The following MYBL1 variants were observed in gnomAD, a reference collection of about 807,000 sequenced individuals.
MYBL1 encodes myb-related protein A.
MYBL1 carries 17 observed loss-of-function variants against 96.3 expected under a neutral mutation model. That is an observed-to-expected ratio of 0.18 (90% confidence interval 0.12 to 0.26). MYBL1 has a LOEUF of 0.26. MYBL1 is among the 10% of genes least tolerant of loss of function. The pLI, the probability that MYBL1 is intolerant of heterozygous loss-of-function variation, is 1.00. For missense variants in MYBL1, 701 were observed against 882.9 expected, an observed-to-expected ratio of 0.79 and a Z score of 2.61; for synonymous variants, 282 against 292.7, an observed-to-expected ratio of 0.96 and a Z score of 0.37.
chr8:66,593,294 A>C, intron 6 of MYBL1, 100 bp from the exon 7 acceptor site: 1 of 669,450 alleles, frequency 1.5e-6, no homozygotes, highest in South Asian at 2.3e-5. Context: ...TCAATATAAA[A>C]AACTTAGAAA....
In MYBL1 at chr8:66,612,938, C is replaced by T. The variant is rs146585703; in HGVS notation, c.-100G>A. 8.1e-5 allele frequency: 102 copies of T among 1,253,150 alleles called. No homozygotes were observed. In the African/African-American group the frequency reaches 1.4e-3, roughly 18 times the overall value. The allele number at this position is 1,253,150 out of a possible 1,614,324, so 77.6% of individuals were successfully genotyped here. On this transcript the variant is annotated 5_prime_UTR_variant, in exon 1 of 16. Transcript: ENST00000522677. ...TCTCCCCGATCCTCTAGCCGCTTCCCTCGCTCCCTCTGGAGGCGGCCGAGT... is the reference window on the plus strand; with the variant it reads ...TCTCCCCGATCCTCTAGCCGCTTCCTTCGCTCCCTCTGGAGGCGGCCGAGT...
intron 9 of MYBL1, 99 bp from the exon 10 acceptor site, chr8:66,576,474 C>A (rs756170111): frequency 1.5e-6 from 2 of 1,347,568 alleles, no homozygotes; most frequent in East Asian, 4.7e-5. Flanking sequence ...ATTAACAACT[C>A]ATTTTATCAG....
chr8:66,589,709 C>T (rs1231644833), intron 8 of MYBL1, among the ~76,000 whole-genome samples: 2 of 152,086 alleles, frequency 1.3e-5, no homozygotes, highest in African/African-American at 4.8e-5. Context: ...GTCTCAAACT[C>T]CTGGGCTTAA....
At chr8:66,580,448 G>C in intron 8 of MYBL1, 82 bp from the exon 9 acceptor site, 1 of 902,530 alleles carries the variant, frequency 1.1e-6, no homozygotes, top group Non-Finnish European at 1.7e-6. Flanking sequence ...TTTCAATTAG[G>C]CTAAAAACAT....
rs1808372117 is a variant in MYBL1 at position 66,562,554 on chromosome 8, T to C, written c.*2143A>G. 1 of 152,646 alleles carries C rather than the reference T, an allele frequency of 6.6e-6. No homozygotes were observed. Among genetic ancestry groups the C allele is most frequent in the Non-Finnish European group, 1.5e-5 (1 of 68,040 alleles). 9.5% of individuals were successfully genotyped at this position (152,646 alleles called of 1,614,324 possible). On this transcript the variant is annotated 3_prime_UTR_variant, in exon 16 of 16. Transcript: ENST00000522677. ...ATTATGTCCAATAAGCCCAGACTTA[T>C]CCACAATATATTACCATTTAGGATA...
At chr8:66,604,526 G>T (rs1466901161) in intron 1 of MYBL1, among the ~76,000 whole-genome samples, 1 of 150,816 alleles carries the variant, frequency 6.6e-6, no homozygotes, top group African/African-American at 2.4e-5. Context: ...AAAAAAAAAA[G>T]ATGGTGTCCT....
intron 9 of MYBL1, among the ~76,000 whole-genome samples, chr8:66,577,868 T>G (rs919063653): frequency 3.3e-5 from 5 of 152,182 alleles, no homozygotes; most frequent in Non-Finnish European, 5.9e-5. Flanking sequence ...ATGGTACTGG[T>G]ACCAAAACAG....
Position 66,599,137 on chromosome 8 carries a change from G to C in MYBL1, c.204C>G (p.Arg68=), listed in dbSNP as rs376621725. 2.7e-5 allele frequency: 42 copies of C among 1,571,326 alleles called. No homozygotes were observed. The African/African-American group carries it at 5.5e-4, about 20-fold the overall frequency. The change falls in exon 4 of 16, where the codon CGC becomes CGG. Residue 68 remains arginine, a synonymous_variant. Coordinates refer to ENST00000522677, the MANE Select transcript of MYBL1 (RefSeq NM_001080416.4). ...ATCGATGCTGGCACTGAAAATCAGA[G>C]CGATTCTGAAAAAATTTAGAAGATT... The part of the protein sequence containing the change: ...WTLIASHLQN[R]SDFQCQHRWQ...
At chr8:66,597,182 G>A (rs1809885766) in intron 5 of MYBL1, 148 bp downstream of exon 5, 1 of 500,570 alleles carries the variant, frequency 2.0e-6, no homozygotes, top group Admixed American at 3.8e-5. Flanking sequence ...TAGTACAAAT[G>A]GTCCCAAAGG....
Position 66,613,015 on chromosome 8 carries a change from C to A in MYBL1, c.-177G>T. ...GGACGGAGGGACAGCGGGGGCGGAC[C>A]GCGACCCGACCCCGACCCCGGCCCG... On this transcript the variant is annotated 5_prime_UTR_variant, in exon 1 of 16. Transcript: ENST00000522677. The A allele has an allele frequency of 1.5e-6, 1 of 656,620 alleles. No homozygotes were observed. Among genetic ancestry groups the A allele is most frequent in the Non-Finnish European group, 2.2e-6 (1 of 455,828 alleles). 40.7% of individuals were successfully genotyped at this position (656,620 alleles called of 1,614,324 possible).
intron 8 of MYBL1, among the ~76,000 whole-genome samples, chr8:66,589,204 T>C (rs1265145871): frequency 6.6e-6 from 1 of 152,182 alleles, no homozygotes; most frequent in Non-Finnish European, 1.5e-5. Flanking sequence ...ATTCCTTTAG[T>C]TATATTTTTC....
rs1412896870 is a variant in MYBL1, at chr8:66,595,442, AAATC to A, written c.687+137_687+140del. 1.4e-5 allele frequency: 6 copies of A among 423,430 alleles called. No homozygotes were observed. In the East Asian group the frequency reaches 2.1e-4, roughly 15 times the overall value. The allele number at this position is 423,430 out of a possible 1,614,324, so 26.2% of individuals were successfully genotyped here. On this transcript the variant is annotated intron_variant, in intron 6 of 15. Transcript: ENST00000522677. ...ATAAATTTGTTCTCAAAATATTTATAAATCAAAGTTACACATTTTTTTCAGTTTG... is the reference window on the plus strand; with the variant it reads ...ATAAATTTGTTCTCAAAATATTTATAAAAGTTACACATTTTTTTCAGTTTG...
intron 8 of MYBL1, among the ~76,000 whole-genome samples, chr8:66,588,577 G>A (rs921219725): frequency 1.3e-5 from 2 of 151,948 alleles, no homozygotes; most frequent in African/African-American, 4.8e-5. Flanking sequence ...CACTACATTC[G>A]GCCCTAAATG....
At chr8:66,583,988 C>T (rs888807591) in intron 8 of MYBL1, among the ~76,000 whole-genome samples, 2 of 152,090 alleles carry the variant, frequency 1.3e-5, no homozygotes, top group South Asian at 4.1e-4. Flanking sequence ...GATACCAAAA[C>T]CAAATAAAGA....
At position 66,566,951 on chromosome 8, in the gene MYBL1, A is replaced by G. The variant is rs764973551; in HGVS notation, c.1770T>C (p.Val590=). The change falls in exon 13 of 16, where the codon GTT becomes GTC. Residue 590 remains valine (V), a synonymous_variant. Coordinates refer to ENST00000522677, the MANE Select transcript of MYBL1 (RefSeq NM_001080416.4). ...LAFLEEDIRE[V]LKEETGTDLF... ...GGTCTGTTCCAGTTTCTTCTTTTAA[A>G]ACTTCCCGAATATCTTCTTCCAAGA... is the stretch of plus-strand genomic sequence containing the variant. 2.5e-6 allele frequency: 4 copies of G among 1,613,026 alleles called. No individual in the cohort carries two copies. Among genetic ancestry groups the G allele is most frequent in the Non-Finnish European group, 3.4e-6 (4 of 1,179,578 alleles).
intron 12 of MYBL1, among the ~76,000 whole-genome samples, chr8:66,571,735 G>A (rs1025058603): frequency 2.6e-5 from 4 of 151,940 alleles, no homozygotes; most frequent in Admixed American, 2.6e-4. Context: ...ACAAAAATTA[G>A]CTGGGCGTGG....
intron 3 of MYBL1, among the ~76,000 whole-genome samples, chr8:66,600,552 CTA>C (rs1810028061): frequency 6.6e-6 from 1 of 152,034 alleles, no homozygotes; most frequent in Admixed American, 6.6e-5. Flanking sequence ...GCCAAACATC[CTA>C]TATGTTATTT....
At chr8:66,594,775 TA>T (rs1378910773) in intron 6 of MYBL1, among the ~76,000 whole-genome samples, 1 of 152,166 alleles carries the variant, frequency 6.6e-6, no homozygotes, top group African/African-American at 2.4e-5. Flanking sequence ...AAATGATGCT[TA>T]AAAAACTTAA....
chr8:66,607,422 C>G (rs1395465905), intron 1 of MYBL1, among the ~76,000 whole-genome samples: 1 of 152,074 alleles, frequency 6.6e-6, no homozygotes, highest in Admixed American at 6.6e-5. Flanking sequence ...GAGTGCAGAC[C>G]ATGTCTACCA....
Sources: allele counts gnomAD v4.1 joint callset (sites outside exome capture counted in the v4.1 genomes callset), GRCh38; gene constraint gnomAD v4.1.1; transcripts MANE v1.5; gene names NCBI Gene and HGNC (gene_info 2026-07-23, HGNC 2026-07-21).